Variants in ANKS1B observed in about 807,000 individuals in gnomAD.
The protein encoded by ANKS1B is ankyrin repeat and sterile alpha motif domain-containing protein 1B.
In ANKS1B, 36 loss-of-function variants were observed where a neutral mutation model predicts 148.3. The ratio of observed to expected loss-of-function variants is 0.24; its 90% CI spans 0.19 to 0.32. The LOEUF is 0.32. Among genes scored for constraint, ANKS1B ranks in the 10% least tolerant of loss-of-function variants. The probability of loss-of-function intolerance (pLI) is 1.00; values close to 1 mark genes in which losing one functional copy is unlikely to be tolerated. For synonymous variants in ANKS1B, 542 were observed against 560.8 expected (o/e 0.97, Z 0.47); for missense variants, 1,157 against 1,542.6 (o/e 0.75, Z 4.19).
At chr12:99,539,625 C>T (rs1169670359) in intron 9 of ANKS1B, among the ~76,000 whole-genome samples, 1 of 152,158 alleles carries the variant, frequency 6.6e-6, no homozygotes. Context: ...AGCAAGATGG[C>T]AGGCATAAAT....
intron 8 of ANKS1B, among the ~76,000 whole-genome samples, chr12:99,741,251 AAAC>A (rs1182947755): frequency 6.6e-6 from 1 of 151,416 alleles, no homozygotes; most frequent in Non-Finnish European, 1.5e-5. Context: ...ACACATCAGG[AAAC>A]AACAGATGCT....
intron 4 of ANKS1B, among the ~76,000 whole-genome samples, chr12:99,790,350 C>G (rs962713326): frequency 9.2e-5 from 14 of 152,058 alleles, no homozygotes; most frequent in Non-Finnish European, 2.1e-4. Flanking sequence ...CCAGGCCTGT[C>G]TTGCAAGAAA....
At chr12:99,137,810 C>T (rs1161941956) in intron 15 of ANKS1B, among the ~76,000 whole-genome samples, 2 of 152,074 alleles carry the variant, frequency 1.3e-5, no homozygotes, top group African/African-American at 2.4e-5. Context: ...CTGTTCCTAT[C>T]ACTCAGCCCT....
At chr12:99,045,426 G>A (rs1006761995) in intron 17 of ANKS1B, among the ~76,000 whole-genome samples, 12 of 152,166 alleles carry the variant, frequency 7.9e-5, no homozygotes, top group Admixed American at 1.3e-4. Flanking sequence ...TTCTGATCAG[G>A]TCATTCCGCT....
In ANKS1B at chr12:99,724,969, C is replaced by A. The variant is rs576395424; in HGVS notation, c.1128+47953G>T. Among the ~76,000 whole-genome samples, 17 of 152,302 alleles carry A rather than the reference C, an allele frequency of 1.1e-4. 1 individual carries two copies. Among genetic ancestry groups the A allele is most frequent in the African/African-American group, 4.1e-4 (17 of 41,560 alleles). ...ACAAGCAAATACTGAGGGATTTCAT[C>A]ACCACCATGCCTGCCTTACAAGAGC... On this transcript the variant is annotated intron_variant, in intron 8 of 26. Transcript: ENST00000683438.
At chr12:99,564,214 A>C (rs12826662) in intron 9 of ANKS1B, among the ~76,000 whole-genome samples, 42,556 of 151,982 alleles carry the variant, frequency 0.28, 6,253 homozygotes, top group African/African-American at 0.36. Context: ...TCATACAAAA[A>C]TATTTACTAC....
chr12:99,091,867 A>G (rs1191492129), intron 15 of ANKS1B, among the ~76,000 whole-genome samples: 1 of 152,168 alleles, frequency 6.6e-6, no homozygotes, highest in African/African-American at 2.4e-5. Context: ...ACCCTATACT[A>G]CCTCTAGCAG....
At chr12:99,655,259 GAT>G in intron 8 of ANKS1B, 49 bp from the exon 9 acceptor site, 1 of 1,439,078 alleles carries the variant, frequency 6.9e-7, no homozygotes, top group Non-Finnish European at 9.4e-7. Flanking sequence ...ATGATATTTA[GAT>G]ATCTTAACAT....
chr12:98,757,307 C>T (rs1315433827), intron 25 of ANKS1B, among the ~76,000 whole-genome samples: 1 of 152,202 alleles, frequency 6.6e-6, no homozygotes, highest in Non-Finnish European at 1.5e-5. Flanking sequence ...CTGGCTGAGG[C>T]CCCAGATGTT....
intron 12 of ANKS1B, among the ~76,000 whole-genome samples, chr12:99,334,239 A>G (rs147953573): frequency 5.3e-4 from 80 of 152,092 alleles, no homozygotes; most frequent in African/African-American, 1.8e-3. Flanking sequence ...GAAGCACAGT[A>G]TATCTGTTTC....
chr12:99,198,698 G>A (rs2081686313), intron 14 of ANKS1B, among the ~76,000 whole-genome samples: 1 of 152,074 alleles, frequency 6.6e-6, no homozygotes, highest in Admixed American at 6.6e-5. Context: ...CTTCTCTAAT[G>A]GCATTAATTA....
intron 15 of ANKS1B, among the ~76,000 whole-genome samples, chr12:99,110,609 A>G (rs902213632): frequency 2.0e-5 from 3 of 152,212 alleles, no homozygotes; most frequent in Non-Finnish European, 4.4e-5. Flanking sequence ...ATGAAAATTC[A>G]CTGTGTTTTT....
chr12:99,650,633 T>TTAGACG (rs975251145), intron 9 of ANKS1B, among the ~76,000 whole-genome samples: 5 of 152,192 alleles, frequency 3.3e-5, no homozygotes, highest in Admixed American at 2.0e-4. Flanking sequence ...TATTTAGAAT[T>TTAGACG]CTAAATTTTC....
At chr12:98,921,928 GA>G (rs954328427) in intron 17 of ANKS1B, among the ~76,000 whole-genome samples, 24 of 152,046 alleles carry the variant, frequency 1.6e-4, no homozygotes, top group African/African-American at 5.6e-4. Context: ...GATCATAAAA[GA>G]AAAAAAGTCT....
chr12:99,699,836 C>A (rs1370283226), intron 8 of ANKS1B, among the ~76,000 whole-genome samples: 1 of 152,200 alleles, frequency 6.6e-6, no homozygotes, highest in African/African-American at 2.4e-5. Flanking sequence ...TCAGAGAAAT[C>A]TTTGCCTTCA....
At chr12:99,797,522 T>A (rs947103282) in intron 4 of ANKS1B, among the ~76,000 whole-genome samples, 6 of 151,798 alleles carry the variant, frequency 4.0e-5, no homozygotes, top group Admixed American at 3.3e-4. Context: ...GGATCAAAAT[T>A]CTCCATTTTA....
At chr12:99,525,143 A>G (rs1257761377) in intron 9 of ANKS1B, among the ~76,000 whole-genome samples, 1 of 152,166 alleles carries the variant, frequency 6.6e-6, no homozygotes, top group African/African-American at 2.4e-5. Context: ...GTAATTTGTT[A>G]CAGCAGCGTT....
At chr12:99,664,064 G>A (rs2098492487) in intron 8 of ANKS1B, among the ~76,000 whole-genome samples, 1 of 151,812 alleles carries the variant, frequency 6.6e-6, no homozygotes. Context: ...ATATTAGAAA[G>A]AGCTAAGTCT....
intron 17 of ANKS1B, among the ~76,000 whole-genome samples, chr12:98,845,522 C>A (rs1291198045): frequency 6.6e-6 from 1 of 152,162 alleles, no homozygotes; most frequent in Non-Finnish European, 1.5e-5. Flanking sequence ...ATGAACTCTG[C>A]AGTCTATTCT....
Sources: gnomAD v4.1 joint callset for allele counts (sites outside exome capture counted in the v4.1 genomes callset) on GRCh38, gnomAD v4.1.1 for gene constraint, MANE v1.5 for transcripts, NCBI Gene and HGNC (gene_info 2026-07-23, HGNC 2026-07-21) for gene names.